Variants in VSIG4 observed in about 807,000 individuals in gnomAD.
VSIG4 encodes the protein V-set and immunoglobulin domain-containing protein 4.
Under a neutral mutation model 23.4 loss-of-function variants are expected in VSIG4, and 34 were observed. The ratio of observed to expected loss-of-function variants is 1.45; its 90% confidence interval spans 1.10 to 1.93. The LOEUF is 1.93. Among genes scored for constraint, VSIG4 ranks in the 30% most tolerant of loss-of-function variants. VSIG4 has a pLI of 0.00. For missense variants in VSIG4, 433 were observed against 310.8 expected (o/e 1.39, Z -2.96); for synonymous variants, 169 against 120.3 (o/e 1.41, Z -2.65).
At position 66,039,961 on chromosome X, in the gene VSIG4, A is replaced by G; in HGVS notation, c.38T>C (p.Leu13Pro). 1.7e-6 allele frequency: 2 copies of G among 1,211,502 alleles called. No individual in the cohort carries two copies. Among genetic ancestry groups the G allele is most frequent in the Non-Finnish European group, 2.2e-6 (2 of 895,273 alleles). ...TGCCTTACCATAAGTGTCCACTGTT[A>G]GGTGCCCCAGGAGTAGCAGGCCCAG... ...ILLGLLLLGHLTVDTYGRPIL... is the reference protein window; with the variant it reads ...ILLGLLLLGHPTVDTYGRPIL... The change falls in exon 1 of 8, where the codon CTA becomes CCA. Residue 13 changes from leucine (L) to proline (P), a missense_variant. By Grantham distance (98) the Leu-to-Pro change is moderately conservative (BLOSUM62 -3). Transcript: ENST00000374737.
At chrX:66,036,675 T>C (rs1197950099) in intron 1 of VSIG4, among the ~76,000 whole-genome samples, 2 of 62,220 alleles carry the variant, frequency 3.2e-5, no homozygotes, top group Non-Finnish European at 5.6e-5. Context: ...TAATATAATA[T>C]ATATAATACG....
Position 66,022,114 on chromosome X carries a change from GGCAAAGCCAGTGACTCCCAGC to G in VSIG4, c.*128_*148del, listed in dbSNP as rs2085337982. ...TTGAGATGCATCTGGCAAATTCCAG[GGCAAAGCCAGTGACTCCCAGC>G]GGCTCCAGTGTTGGTAGGCGGACAC... is the stretch of plus-strand genomic sequence containing the variant. On this transcript the variant is annotated 3_prime_UTR_variant, in exon 8 of 8. Coordinates refer to ENST00000374737, the MANE Select transcript of VSIG4 (RefSeq NM_007268.3). The G allele has an allele frequency of 8.5e-7, 1 of 1,177,202 alleles. No homozygotes were observed. The highest frequency in any genetic ancestry group is 1.1e-6 in the Non-Finnish European group (1 of 877,684).
intron 2 of VSIG4, 146 bp from the exon 3 acceptor site, chrX:66,032,895 G>C: frequency 1.6e-6 from 1 of 633,677 alleles, no homozygotes; most frequent in Non-Finnish European, 2.3e-6. Context: ...GAAATAAGAA[G>C]GAAAGGGCAA....
chrX:66,036,711 T>A (rs1199523129), intron 1 of VSIG4, among the ~76,000 whole-genome samples: 1 of 54,653 alleles, frequency 1.8e-5, no homozygotes, highest in Non-Finnish European at 3.0e-5. Context: ...ATTATAATTA[T>A]ATAATATATA....
chrX:66,022,457 C>T lies in VSIG4; in HGVS notation c.1006G>A (p.Val336Met). 1 of 1,212,012 alleles carries T rather than the reference C, an allele frequency of 8.3e-7. No individual in the cohort carries two copies. The highest frequency in any genetic ancestry group is 2.2e-5 in the Admixed American group (1 of 46,123). Residue 336 changes from valine (V) to methionine (M), a missense_variant, in exon 8 of 8, where the codon GTG becomes ATG. Transcript: ENST00000374737. ...GAGCAGCCACTTGCGAAGATGGCCA[C>T]CCTCATGGTTTCTCCAGAGTCGTTG... The part of the protein sequence containing the change: ...EANDSGETMR[V>M]AIFASGCSSD...
chrX:66,037,400 TA>T (rs1465689328), intron 1 of VSIG4, among the ~76,000 whole-genome samples: 1 of 34,060 alleles, frequency 2.9e-5, no homozygotes, highest in Non-Finnish European at 4.5e-5. Flanking sequence ...TATTATGTAA[TA>T]ATATTAATAT....
chrX:66,026,794 T>A (rs2085397264), intron 5 of VSIG4, among the ~76,000 whole-genome samples: 1 of 111,708 alleles, frequency 9.0e-6, no homozygotes, highest in Non-Finnish European at 1.9e-5. Flanking sequence ...TTTTGTTGCA[T>A]GACCATGGGG....
At chrX:66,036,807 A>C (rs1216213007) in intron 1 of VSIG4, among the ~76,000 whole-genome samples, 1 of 39,620 alleles carries the variant, frequency 2.5e-5, no homozygotes, top group Non-Finnish European at 3.8e-5. Context: ...TATATTATAT[A>C]ATATTATATA....
At chrX:66,024,950 T>C (rs1298647733) in intron 6 of VSIG4, 75 bp downstream of exon 6, 8 of 785,727 alleles carry the variant, frequency 1.0e-5, no homozygotes, top group Admixed American at 3.6e-5. Flanking sequence ...CAATGCCTGA[T>C]ACAGAATTTA....
intron 3 of VSIG4, among the ~76,000 whole-genome samples, chrX:66,030,922 G>C (rs957279117): frequency 9.0e-5 from 10 of 111,038 alleles, no homozygotes; most frequent in African/African-American, 3.3e-4. Flanking sequence ...AGTGCAGAGT[G>C]AGGTGGAAGG....
In VSIG4 at chrX:66,033,869, G is replaced by A. The variant is rs200884382; in HGVS notation, c.56-39C>T. 2.3e-4 allele frequency: 247 copies of A among 1,078,494 alleles called. 1 individual carries two copies. Among genetic ancestry groups the A allele is most frequent in the Non-Finnish European group, 4.0e-5 (32 of 796,460 alleles). The allele number at this position is 1,078,494 out of a possible 1,213,427, so 88.9% of individuals were successfully genotyped here. A position where few individuals can be genotyped will look rare whatever the true frequency, so the allele number is the denominator to read the frequency against. On this transcript the variant is annotated intron_variant, in intron 1 of 7. Transcript: ENST00000374737. ...ACAGAGGAAAGAAGCAAACGTAGATGGCATACCTACTTGGCAACTAAGGTG... is the reference window on the plus strand; with the variant it reads ...ACAGAGGAAAGAAGCAAACGTAGATAGCATACCTACTTGGCAACTAAGGTG...
At chrX:66,035,797 C>T (rs2085531055) in intron 1 of VSIG4, among the ~76,000 whole-genome samples, 1 of 112,277 alleles carries the variant, frequency 8.9e-6, no homozygotes, top group African/African-American at 3.2e-5. Flanking sequence ...AATGTCCCTC[C>T]TCTTCTCTGA....
At chrX:66,034,771 G>T (rs6624837) in intron 1 of VSIG4, among the ~76,000 whole-genome samples, 1 of 52,726 alleles carries the variant, frequency 1.9e-5, no homozygotes, top group Admixed American at 2.0e-4. Flanking sequence ...GGGGATGGGG[G>T]TGGGGGTGGG....
intron 5 of VSIG4, 106 bp from the exon 6 acceptor site, chrX:66,025,235 T>C (rs1273364992): frequency 6.0e-6 from 3 of 503,500 alleles, no homozygotes; most frequent in Non-Finnish European, 9.4e-6. Context: ...TTTTTCATTT[T>C]CCATATTCTC....
Position 66,022,088 on chromosome X carries a change from C to T in VSIG4, c.*175G>A. 8.6e-7 allele frequency: 1 copy of T among 1,168,013 alleles called. No individual in the cohort carries two copies. The highest frequency in any genetic ancestry group is 1.9e-5 in the South Asian group (1 of 52,467). On this transcript the variant is annotated 3_prime_UTR_variant, in exon 8 of 8. Transcript: ENST00000374737. ...AGAGCCAAATCCAGCAGCTGGCTTA[C>T]TTGAGATGCATCTGGCAAATTCCAG...
At chrX:66,032,346 A>G (rs890258144) in intron 3 of VSIG4, 122 bp downstream of exon 3, 1 of 913,313 alleles carries the variant, frequency 1.1e-6, no homozygotes, top group Non-Finnish European at 1.5e-6. Flanking sequence ...TTGTGATTGT[A>G]CAACCATTGC....
In VSIG4 at chrX:66,021,946, GC is replaced by G; in HGVS notation, c.*316del. Reference sequence around the variant, plus strand: ...CCCTCGGGTCTTCTGGTGGCAAGATGCCAAAGTTGAATAGTGTCTGTAGGCA... The same window carrying G: ...CCCTCGGGTCTTCTGGTGGCAAGATGCAAAGTTGAATAGTGTCTGTAGGCA... On this transcript the variant is annotated 3_prime_UTR_variant, in exon 8 of 8. Coordinates refer to ENST00000374737, the MANE Select transcript of VSIG4 (RefSeq NM_007268.3). The G allele has an allele frequency of 1.3e-6, 1 of 782,620 alleles. No individual in the cohort carries two copies. The highest frequency in any genetic ancestry group is 4.4e-5 in the East Asian group (1 of 22,839). The allele number at this position is 782,620 out of a possible 1,213,427, so 64.5% of individuals were successfully genotyped here. A position where few individuals can be genotyped will look rare whatever the true frequency, so the allele number is the denominator to read the frequency against.
Position 66,039,968 on chromosome X carries a change from C to A in VSIG4, c.31G>T (p.Gly11Trp). MGILLGLLLL[G>W]HLTVDTYGRP... Reference sequence around the variant, plus strand: ...CCATAAGTGTCCACTGTTAGGTGCCCCAGGAGTAGCAGGCCCAGTAAGATC... The same window carrying A: ...CCATAAGTGTCCACTGTTAGGTGCCACAGGAGTAGCAGGCCCAGTAAGATC... The change falls in exon 1 of 8, where the codon GGG becomes TGG. Residue 11 changes from glycine to tryptophan, a missense_variant. Coordinates refer to ENST00000374737, the MANE Select transcript of VSIG4 (RefSeq NM_007268.3). 8.3e-7 allele frequency: 1 copy of A among 1,211,626 alleles called. No homozygotes were observed. The highest frequency in any genetic ancestry group is 1.1e-6 in the Non-Finnish European group (1 of 895,312).
chrX:66,036,973 A>AATATAATATATCATATAATATAACATATC (rs2085579256), intron 1 of VSIG4, among the ~76,000 whole-genome samples: 1 of 24,162 alleles, frequency 4.1e-5, no homozygotes, highest in Non-Finnish European at 5.9e-5. Context: ...TATAATATAT[A>AATATAATATATCATATAATATAACATATC]ATATAATATA....
Sources: allele counts gnomAD v4.1 joint callset (sites outside exome capture counted in the v4.1 genomes callset), GRCh38; gene constraint gnomAD v4.1.1; transcripts MANE v1.5; gene names NCBI Gene and HGNC (gene_info 2026-07-23, HGNC 2026-07-21).